Variants in CGGBP1 observed in about 807,000 individuals in gnomAD.
CGGBP1 encodes the protein CGG triplet repeat binding protein 1, also known as CGG triplet repeat-binding protein 1.
A neutral mutation model predicts 11.4 loss-of-function variants in CGGBP1; 4 were observed. The ratio of observed to expected loss-of-function variants is 0.35; its 90% CI spans 0.17 to 0.80. The LOEUF (loss-of-function observed/expected upper bound fraction) is 0.80. CGGBP1 is among the 30% of genes least tolerant of loss of function. CGGBP1 has a pLI of 0.52. For synonymous variants in CGGBP1, 76 were observed against 74.1 expected, an observed-to-expected ratio of 1.03 and a Z score of -0.13; for missense variants, 135 against 202.1, an observed-to-expected ratio of 0.67 and a Z score of 2.01.
In CGGBP1 at chr3:88,054,890, G is replaced by A. The variant is rs1478345444; in HGVS notation, c.*583C>T. ...AACAATAAGCCTTTAAAATGGGGGC[G>A]GGGGAAGTATGGAATTGAAAGATAG... On this transcript the variant is annotated 3_prime_UTR_variant, in exon 4 of 4. Coordinates refer to ENST00000482016, the MANE Select transcript of CGGBP1 (RefSeq NM_001008390.2). 1.3e-5 allele frequency: 2 copies of A among 151,854 alleles called. No individual in the cohort carries two copies. Among genetic ancestry groups the A allele is most frequent in the South Asian group, 2.1e-4 (1 of 4,808 alleles). 9.4% of individuals were successfully genotyped at this position (151,854 alleles called of 1,614,324 possible).
intron 1 of CGGBP1, among the ~76,000 whole-genome samples, chr3:88,146,411 T>A (rs1707313680): frequency 6.6e-6 from 1 of 152,296 alleles, no homozygotes; most frequent in African/African-American, 2.4e-5. Context: ...AGTAGTAAGA[T>A]CTAATATCCC....
chr3:88,126,049 A>G, intron 2 of CGGBP1: 1 of 1,287,680 alleles, frequency 7.8e-7, no homozygotes. Context: ...CTCACTGGCC[A>G]TCAGTCATTT....
intron 2 of CGGBP1, among the ~76,000 whole-genome samples, chr3:88,071,038 A>G (rs1447419917): frequency 1.3e-5 from 2 of 152,204 alleles, no homozygotes; most frequent in Admixed American, 6.5e-5. Flanking sequence ...AAACTCATTC[A>G]TCGGTTCTCA....
At chr3:88,064,784 G>C (rs547670125) in intron 2 of CGGBP1, among the ~76,000 whole-genome samples, 10 of 152,296 alleles carry the variant, frequency 6.6e-5, no homozygotes, top group Admixed American at 6.5e-4. Context: ...TTTTAGTGGA[G>C]TTTTCAAGTA....
intron 2 of CGGBP1, among the ~76,000 whole-genome samples, chr3:88,084,326 T>G (rs1263472525): frequency 6.6e-6 from 1 of 152,160 alleles, no homozygotes; most frequent in Non-Finnish European, 1.5e-5. Flanking sequence ...AAGAAAAATG[T>G]GAGGCTGTCA....
At chr3:88,123,322 C>T (rs1259745336) in intron 2 of CGGBP1, among the ~76,000 whole-genome samples, 3 of 152,048 alleles carry the variant, frequency 2.0e-5, no homozygotes, top group Non-Finnish European at 4.4e-5. Flanking sequence ...TTTTGACCCA[C>T]GAAGTGTACA....
chr3:88,130,227 T>C (rs1706363703), intron 2 of CGGBP1, among the ~76,000 whole-genome samples: 1 of 152,136 alleles, frequency 6.6e-6, no homozygotes, highest in South Asian at 2.1e-4. Flanking sequence ...ATTAAGAATT[T>C]CTGTTTCCTC....
intron 2 of CGGBP1, among the ~76,000 whole-genome samples, chr3:88,106,225 GAT>G (rs1704729193): frequency 6.6e-6 from 1 of 152,170 alleles, no homozygotes; most frequent in South Asian, 2.1e-4. Context: ...GCTGTCTGAT[GAT>G]ATGTCAATCC....
chr3:88,099,905 T>G (rs545860425), intron 2 of CGGBP1, among the ~76,000 whole-genome samples: 1 of 152,202 alleles, frequency 6.6e-6, no homozygotes, highest in Non-Finnish European at 1.5e-5. Flanking sequence ...ATTGAGGACA[T>G]AGGCATGGGC....
At chr3:88,149,314 G>A (rs1158110437) in intron 1 of CGGBP1, among the ~76,000 whole-genome samples, 1 of 152,116 alleles carries the variant, frequency 6.6e-6, no homozygotes, top group Non-Finnish European at 1.5e-5. Flanking sequence ...AGGGTAAATG[G>A]CGGAGTAAAA....
chr3:88,074,014 A>C (rs1207762429), intron 2 of CGGBP1, among the ~76,000 whole-genome samples: 1 of 152,180 alleles, frequency 6.6e-6, no homozygotes, highest in Non-Finnish European at 1.5e-5. Flanking sequence ...TTTCCTTTCC[A>C]GTTTTAATTT....
chr3:88,054,306 C>G lies in CGGBP1; in HGVS notation c.*1167G>C, dbSNP rs1426581065. On this transcript the variant is annotated 3_prime_UTR_variant, in exon 4 of 4. Transcript: ENST00000482016. ...TAGCTGGGCTAAGCTACTTGGATAA[C>G]CTTACAGGATAGTGAGGTTCAAACA... 1 of 152,312 alleles carries G rather than the reference C, an allele frequency of 6.6e-6. No individual in the cohort carries two copies. The highest frequency in any genetic ancestry group is 1.5e-5 in the Non-Finnish European group (1 of 68,002). The allele number at this position is 152,312 out of a possible 1,614,324, so 9.4% of individuals were successfully genotyped here.
At chr3:88,058,750 G>A (rs1706655574) in intron 1 of CGGBP1, 65 bp downstream of exon 1, 1 of 152,422 alleles carries the variant, frequency 6.6e-6, no homozygotes, top group Admixed American at 6.5e-5. Context: ...CTGGACGGAA[G>A]GCCCCGGGCC....
At chr3:88,098,768 A>G (rs1047724354) in intron 2 of CGGBP1, among the ~76,000 whole-genome samples, 2 of 152,228 alleles carry the variant, frequency 1.3e-5, no homozygotes, top group African/African-American at 4.8e-5. Flanking sequence ...AAGGCCTTTG[A>G]CAAAATTCAA....
intron 2 of CGGBP1, among the ~76,000 whole-genome samples, chr3:88,109,142 A>AGTGTGT (rs35595112): frequency 0.15 from 20,921 of 142,358 alleles, 1,663 homozygotes; most frequent in Non-Finnish European, 0.18. Context: ...AGTGGGCACT[A>AGTGTGT]GTGTGTGTGT....
intron 2 of CGGBP1, among the ~76,000 whole-genome samples, chr3:88,082,748 A>G (rs1463528453): frequency 6.6e-6 from 1 of 152,186 alleles, no homozygotes; most frequent in Non-Finnish European, 1.5e-5. Context: ...TAAGAAACAG[A>G]TACTCATATT....
At chr3:88,123,837 C>A (rs2107811238) in intron 2 of CGGBP1, among the ~76,000 whole-genome samples, 1 of 152,248 alleles carries the variant, frequency 6.6e-6, no homozygotes, top group South Asian at 2.1e-4. Flanking sequence ...GGACCAAAAG[C>A]TAGCTTAGAG....
chr3:88,074,931 G>A (rs146615684), intron 2 of CGGBP1, among the ~76,000 whole-genome samples: 2 of 152,164 alleles, frequency 1.3e-5, no homozygotes, highest in Non-Finnish European at 2.9e-5. Flanking sequence ...TATTTTACTA[G>A]GAAAACTCAT....
intron 2 of CGGBP1, among the ~76,000 whole-genome samples, chr3:88,108,439 C>T (rs1704878888): frequency 6.6e-6 from 1 of 152,148 alleles, no homozygotes; most frequent in African/African-American, 2.4e-5. Context: ...ACAATAGTCT[C>T]CCCTCATCTG....
Sources: allele counts gnomAD v4.1 joint callset (sites outside exome capture counted in the v4.1 genomes callset), GRCh38; gene constraint gnomAD v4.1.1; transcripts MANE v1.5; gene names NCBI Gene and HGNC (gene_info 2026-07-23, HGNC 2026-07-21).